The following ZNF569 variants were observed in gnomAD, a reference collection of about 807,000 sequenced individuals.
ZNF569 encodes the protein DNA-binding protein.
ZNF569 carries 38 observed loss-of-function variants against 56.3 expected under a neutral mutation model. The ratio of observed to expected loss-of-function variants is 0.68; its 90% CI spans 0.52 to 0.88. The LOEUF is 0.88. Ranked by LOEUF, ZNF569 falls within the 40% of genes least tolerant of loss-of-function variation. The pLI, the probability that ZNF569 is intolerant of heterozygous loss-of-function variation, is 0.00. For missense variants in ZNF569, 666 were observed against 809.2 expected (o/e 0.82, Z 2.15); for synonymous variants, 241 against 262.9 (o/e 0.92, Z 0.81).
At chr19:37,426,931 T>G (rs906388462) in intron 3 of ZNF569, among the ~76,000 whole-genome samples, 1 of 152,218 alleles carries the variant, frequency 6.6e-6, no homozygotes, top group African/African-American at 2.4e-5. Context: ...AGATAGAATC[T>G]CAGAGACAAC....
chr19:37,421,859 C>T (rs549881727), intron 5 of ZNF569, among the ~76,000 whole-genome samples: 36 of 148,304 alleles, frequency 2.4e-4, no homozygotes, highest in African/African-American at 8.9e-4. Context: ...AATCAATCCT[C>T]TCGTCTCAGC....
Position 37,413,272 on chromosome 19 carries a change from C to A in ZNF569, c.1386G>T (p.Gly462=). 1.9e-6 allele frequency: 3 copies of A among 1,609,224 alleles called. No homozygotes were observed. Among genetic ancestry groups the A allele is most frequent in the South Asian group, 1.1e-5 (1 of 90,138 alleles). Residue 462 remains glycine (G), a synonymous_variant, in exon 6 of 6, where the codon GGG becomes GGT. Transcript: ENST00000316950. ...NLVRHQRIHT[G]EKPYICKECG... ...ATTCCTTACATATATAGGGTTTTTC[C>A]CCAGTATGAATTCTCTGGTGTCTAA...
At chr19:37,459,816 G>T (rs2041728986) in intron 2 of ZNF569, among the ~76,000 whole-genome samples, 1 of 152,138 alleles carries the variant, frequency 6.6e-6, no homozygotes, top group African/African-American at 2.4e-5. Flanking sequence ...CGGAGAAGAA[G>T]GGGGAACTGG....
upstream of ZNF569, chr19:37,469,052 G>A: frequency 1.0e-6 from 1 of 994,876 alleles, no homozygotes; most frequent in Non-Finnish European, 1.2e-6. Context: ...CAGAGCGCTT[G>A]TGCCTGCGCA....
At chr19:37,443,606 C>T (rs564822110) in intron 3 of ZNF569, among the ~76,000 whole-genome samples, 1 of 152,130 alleles carries the variant, frequency 6.6e-6, no homozygotes, top group East Asian at 1.9e-4. Context: ...GAAATGATTA[C>T]AGTGTGGCTC....
intron 2 of ZNF569, among the ~76,000 whole-genome samples, chr19:37,457,056 A>T (rs902024313): frequency 3.1e-5 from 1 of 32,116 alleles, no homozygotes; most frequent in Non-Finnish European, 5.3e-5. Context: ...TAAAACCCTT[A>T]ATCTATATTC....
chr19:37,430,002 G>A (rs1389786291), intron 3 of ZNF569, among the ~76,000 whole-genome samples: 1 of 152,140 alleles, frequency 6.6e-6, no homozygotes, highest in Non-Finnish European at 1.5e-5. Context: ...AGATCAGCCT[G>A]GGCAAGATGA....
intron 2 of ZNF569, among the ~76,000 whole-genome samples, chr19:37,455,475 G>C (rs1428381170): frequency 6.6e-6 from 1 of 152,106 alleles, no homozygotes; most frequent in Non-Finnish European, 1.5e-5. Context: ...CTCTGATACA[G>C]TTAAAATGCT....
intron 2 of ZNF569, among the ~76,000 whole-genome samples, chr19:37,455,961 C>T (rs1568747063): frequency 6.6e-6 from 1 of 152,180 alleles, no homozygotes; most frequent in Non-Finnish European, 1.5e-5. Flanking sequence ...TTCTCAAAAG[C>T]TTCTTTACTT....
intron 2 of ZNF569, among the ~76,000 whole-genome samples, chr19:37,452,790 G>A (rs2041615707): frequency 6.6e-6 from 1 of 152,072 alleles, no homozygotes; most frequent in Non-Finnish European, 1.5e-5. Context: ...ATCTTGGTAT[G>A]GGTTTGTTTC....
At chr19:37,429,576 A>ATCCTCTTTAAGGGAAT in intron 3 of ZNF569, among the ~76,000 whole-genome samples, 1 of 152,326 alleles carries the variant, frequency 6.6e-6, no homozygotes, top group Admixed American at 6.5e-5. Context: ...TGGTGCTCGA[A>ATCCTCTTTAAGGGAAT]TCCTCTTTAA....
intron 5 of ZNF569, among the ~76,000 whole-genome samples, chr19:37,423,642 A>C (rs2041074582): frequency 6.6e-6 from 1 of 152,230 alleles, no homozygotes; most frequent in Admixed American, 6.5e-5. Flanking sequence ...AAAAAACACA[A>C]GAAAAACATA....
intron 3 of ZNF569, among the ~76,000 whole-genome samples, chr19:37,437,984 T>C (rs1478572061): frequency 2.5e-5 from 3 of 120,862 alleles, no homozygotes; most frequent in Non-Finnish European, 6.2e-5. Context: ...AAAATTTATA[T>C]GCAACCACAA....
chr19:37,447,509 T>C (rs768421247), intron 2 of ZNF569, among the ~76,000 whole-genome samples: 3 of 152,362 alleles, frequency 2.0e-5, no homozygotes, highest in Admixed American at 1.3e-4. Flanking sequence ...GTAGATTCTT[T>C]GGCATTTTCT....
At chr19:37,449,317 T>G (rs1178906212) in intron 2 of ZNF569, among the ~76,000 whole-genome samples, 1 of 152,250 alleles carries the variant, frequency 6.6e-6, no homozygotes, top group African/African-American at 2.4e-5. Flanking sequence ...TCTATAAATG[T>G]CACTCACATT....
At chr19:37,445,068 A>T in intron 2 of ZNF569, 104 bp from the exon 3 acceptor site, 1 of 830,172 alleles carries the variant, frequency 1.2e-6, no homozygotes, top group Non-Finnish European at 1.9e-6. Flanking sequence ...ATGATAATTA[A>T]ATCTATCAGA....
intron 2 of ZNF569, among the ~76,000 whole-genome samples, chr19:37,449,837 T>C (rs1313316679): frequency 6.6e-6 from 1 of 152,202 alleles, no homozygotes; most frequent in Non-Finnish European, 1.5e-5. Context: ...AAGCTCTATC[T>C]GTAACTGGTG....
intron 3 of ZNF569, among the ~76,000 whole-genome samples, chr19:37,434,943 C>G (rs1204583708): frequency 6.6e-6 from 1 of 152,150 alleles, no homozygotes; most frequent in Non-Finnish European, 1.5e-5. Context: ...CGCCTGCACC[C>G]AGGTGAAATA....
At chr19:37,440,852 C>T (rs1415775910) in intron 3 of ZNF569, among the ~76,000 whole-genome samples, 4 of 152,156 alleles carry the variant, frequency 2.6e-5, no homozygotes, top group Non-Finnish European at 5.9e-5. Flanking sequence ...TAGATGAAGA[C>T]TTAATATGGC....
Sources: gnomAD v4.1 joint callset for allele counts (sites outside exome capture counted in the v4.1 genomes callset) on GRCh38, gnomAD v4.1.1 for gene constraint, MANE v1.5 for transcripts, NCBI Gene and HGNC (gene_info 2026-07-23, HGNC 2026-07-21) for gene names.